The following IL1RAPL2 variants were observed in gnomAD, a reference collection of about 807,000 sequenced individuals.
The protein encoded by IL1RAPL2 is X-linked interleukin-1 receptor accessory protein-like 2.
In IL1RAPL2, 3 loss-of-function variants were observed where a neutral mutation model predicts 44.1. The ratio of observed to expected loss-of-function variants is 0.07; its 90% confidence interval spans 0.03 to 0.18. The LOEUF (loss-of-function observed/expected upper bound fraction) is 0.18. IL1RAPL2 is among the 10% of genes least tolerant of loss of function. The pLI, the probability that IL1RAPL2 is intolerant of heterozygous loss-of-function variation, is 1.00. For missense variants in IL1RAPL2, 391 were observed against 496.4 expected (o/e 0.79, Z 2.02); for synonymous variants, 181 against 178.8 (o/e 1.01, Z -0.10).
chrX:104,891,355 TG>T (rs1336776194), intron 2 of IL1RAPL2, among the ~76,000 whole-genome samples: 1 of 112,239 alleles, frequency 8.9e-6, no homozygotes, highest in Non-Finnish European at 1.9e-5. Context: ...GGTAGTTTGA[TG>T]GGGATCGCAT....
chrX:104,894,216 A>C (rs1278168607), intron 2 of IL1RAPL2, among the ~76,000 whole-genome samples: 2 of 110,786 alleles, frequency 1.8e-5, no homozygotes, highest in East Asian at 2.8e-4. Context: ...TGCCCTTAAC[A>C]TTTTTTCCTT....
rs538266804 is a variant in IL1RAPL2, at chrX:105,342,811, A to G, written c.697+75270A>G. On this transcript the variant is annotated intron_variant, in intron 5 of 10. Transcript: ENST00000372582. Reference sequence around the variant, plus strand: ...CATTTATTGATTAATGAGAAATAAGAAGCATGTTGCAATTAAATTTAACTT... The same window carrying G: ...CATTTATTGATTAATGAGAAATAAGGAGCATGTTGCAATTAAATTTAACTT... Among the ~76,000 whole-genome samples, 24 of 112,201 alleles carry G rather than the reference A, an allele frequency of 2.1e-4. No homozygotes were observed. The South Asian group carries it at 6.3e-3, about 29-fold the overall frequency.
At chrX:105,544,313 ATC>A (rs1319751822) in intron 6 of IL1RAPL2, among the ~76,000 whole-genome samples, 1 of 109,934 alleles carries the variant, frequency 9.1e-6, no homozygotes, top group Admixed American at 9.6e-5. Flanking sequence ...TAGATTCCAT[ATC>A]TCTTTTTAGA....
intron 1 of IL1RAPL2, among the ~76,000 whole-genome samples, chrX:104,638,652 A>G: frequency 8.9e-6 from 1 of 111,842 alleles, no homozygotes; most frequent in Non-Finnish European, 1.9e-5. Flanking sequence ...ATATCCATGT[A>G]TTTGTATAGT....
intron 2 of IL1RAPL2, among the ~76,000 whole-genome samples, chrX:105,089,092 T>C (rs1335956091): frequency 1.8e-5 from 2 of 111,603 alleles, no homozygotes; most frequent in Admixed American, 9.6e-5. Flanking sequence ...GATGGAACTT[T>C]GCAGACCATA....
chrX:104,955,479 G>GATATAT (rs10669100), intron 2 of IL1RAPL2, among the ~76,000 whole-genome samples: 181 of 102,140 alleles, frequency 1.8e-3, no homozygotes, highest in African/African-American at 6.3e-3. Flanking sequence ...TATACTCCCA[G>GATATAT]ATATATATAT....
chrX:105,354,885 A>G (rs923836224), intron 5 of IL1RAPL2, among the ~76,000 whole-genome samples: 6 of 110,927 alleles, frequency 5.4e-5, no homozygotes, highest in Non-Finnish European at 1.1e-4. Context: ...TCTGTGGACT[A>G]TTCCCCCTCC....
At chrX:105,075,184 T>C (rs1213088892) in intron 2 of IL1RAPL2, among the ~76,000 whole-genome samples, 12 of 111,642 alleles carry the variant, frequency 1.1e-4, no homozygotes, top group Admixed American at 2.9e-4. Context: ...GGGTTTGTCA[T>C]AGATAGCTCT....
At chrX:104,995,539 A>G (rs759235006) in intron 2 of IL1RAPL2, among the ~76,000 whole-genome samples, 1 of 112,022 alleles carries the variant, frequency 8.9e-6, no homozygotes, top group Admixed American at 9.6e-5. Context: ...TAAAAAAAGC[A>G]GGCAATGATC....
chrX:104,628,552 T>C (rs1416965934), intron 1 of IL1RAPL2, among the ~76,000 whole-genome samples: 3 of 112,155 alleles, frequency 2.7e-5, no homozygotes, highest in Non-Finnish European at 5.6e-5. Context: ...TAGTATTCCA[T>C]TGAGTATATA....
At chrX:104,678,079 G>A (rs1930818896) in intron 2 of IL1RAPL2, among the ~76,000 whole-genome samples, 1 of 112,680 alleles carries the variant, frequency 8.9e-6, no homozygotes. Flanking sequence ...GCTGACAGCT[G>A]TAGACCAGAG....
intron 3 of IL1RAPL2, among the ~76,000 whole-genome samples, chrX:105,226,312 T>G (rs1166624121): frequency 9.2e-6 from 1 of 108,984 alleles, no homozygotes; most frequent in Non-Finnish European, 1.9e-5. Context: ...CCAGCTTCCA[T>G]GAAACTGGCA....
At chrX:105,403,051 C>A (rs1196276997) in intron 5 of IL1RAPL2, among the ~76,000 whole-genome samples, 1 of 111,578 alleles carries the variant, frequency 9.0e-6, no homozygotes, top group Non-Finnish European at 1.9e-5. Flanking sequence ...AGAATGGAAC[C>A]ATTGTGTGGT....
intron 5 of IL1RAPL2, chrX:105,406,428 T>A (rs1308645741): frequency 2.7e-6 from 3 of 1,129,400 alleles, no homozygotes; most frequent in Non-Finnish European, 3.6e-6. Context: ...ATCTAACACC[T>A]GGAAGTGGCA....
chrX:105,242,609 CA>C (rs1181788485), intron 4 of IL1RAPL2, among the ~76,000 whole-genome samples: 1 of 111,162 alleles, frequency 9.0e-6, no homozygotes, highest in Admixed American at 9.6e-5. Context: ...GGTGGAACCA[CA>C]AAAAATAAAA....
chrX:105,165,036 C>T (rs1461194460), intron 2 of IL1RAPL2, among the ~76,000 whole-genome samples: 1 of 111,399 alleles, frequency 9.0e-6, no homozygotes. Context: ...CATCCTTGTC[C>T]CCAAACTGCT....
chrX:104,590,591 T>C (rs933532615), intron 1 of IL1RAPL2, among the ~76,000 whole-genome samples: 3 of 111,502 alleles, frequency 2.7e-5, no homozygotes, highest in Admixed American at 9.5e-5. Context: ...TGTGACTTTC[T>C]TGTGTGTTTT....
intron 2 of IL1RAPL2, among the ~76,000 whole-genome samples, chrX:104,676,754 G>A (rs1200067197): frequency 1.8e-5 from 2 of 111,232 alleles, no homozygotes; most frequent in Admixed American, 1.9e-4. Flanking sequence ...ACGTAGATTT[G>A]GTCTTTTCAC....
intron 2 of IL1RAPL2, among the ~76,000 whole-genome samples, chrX:105,074,029 G>A (rs2032250171): frequency 9.0e-6 from 1 of 111,544 alleles, no homozygotes; most frequent in Non-Finnish European, 1.9e-5. Context: ...TTGCTGTGCA[G>A]AAGCTCTTTA....
Sources: allele counts gnomAD v4.1 joint callset (sites outside exome capture counted in the v4.1 genomes callset), GRCh38; gene constraint gnomAD v4.1.1; transcripts MANE v1.5; gene names NCBI Gene and HGNC (gene_info 2026-07-23, HGNC 2026-07-21).